DSCAML1: variants seen among roughly 807,000 people sequenced by gnomAD.
DSCAML1 encodes the protein DS cell adhesion molecule like 1.
DSCAML1 carries 38 observed loss-of-function variants against 200.5 expected under a neutral mutation model. That is an observed-to-expected ratio of 0.19 (90% confidence interval 0.15 to 0.25). The LOEUF is 0.25. Ranked by LOEUF, DSCAML1 falls within the 10% of genes least tolerant of loss-of-function variation. The probability of loss-of-function intolerance (pLI) is 1.00; values close to 1 mark genes in which losing one functional copy is unlikely to be tolerated. For missense variants in DSCAML1, 2,223 were observed against 2,858.8 expected, an observed-to-expected ratio of 0.78 and a Z score of 5.07; for synonymous variants, 1,215 against 1,165.0, an observed-to-expected ratio of 1.04 and a Z score of -0.87.
At chr11:117,600,005 T>C (rs2051434788) in intron 3 of DSCAML1, among the ~76,000 whole-genome samples, 1 of 152,208 alleles carries the variant, frequency 6.6e-6, no homozygotes, top group Non-Finnish European at 1.5e-5. Context: ...AGCAAATTCC[T>C]TCACTTCTCT....
intron 3 of DSCAML1, among the ~76,000 whole-genome samples, chr11:117,746,615 C>T (rs1056461230): frequency 1.1e-4 from 16 of 152,186 alleles, no homozygotes; most frequent in African/African-American, 2.9e-4. Flanking sequence ...ACGTGGCCTC[C>T]TCCTCAGACC....
chr11:117,431,500 G>A, intron 31 of DSCAML1, 34 bp downstream of exon 31: 6 of 1,505,272 alleles, frequency 4.0e-6, no homozygotes, highest in Non-Finnish European at 4.5e-6. Context: ...ACTGGGGGGA[G>A]GTGTTCAGGA....
intron 1 of DSCAML1, among the ~76,000 whole-genome samples, chr11:117,796,513 G>T (rs1363197704): frequency 6.6e-6 from 1 of 152,248 alleles, no homozygotes; most frequent in Non-Finnish European, 1.5e-5. Context: ...CAGCCAATGC[G>T]CGGATAAGCG....
At chr11:117,765,725 T>C (rs1444780509) in intron 3 of DSCAML1, among the ~76,000 whole-genome samples, 1 of 151,942 alleles carries the variant, frequency 6.6e-6, no homozygotes. Flanking sequence ...ATACAGAAAA[T>C]GAAAGTACCT....
chr11:117,594,722 G>T (rs1415918382), intron 3 of DSCAML1, among the ~76,000 whole-genome samples: 1 of 152,188 alleles, frequency 6.6e-6, no homozygotes, highest in African/African-American at 2.4e-5. Context: ...CTCCTCCCTG[G>T]TGTGGGGCAG....
At chr11:117,705,112 T>G (rs1281054846) in intron 3 of DSCAML1, among the ~76,000 whole-genome samples, 1 of 152,144 alleles carries the variant, frequency 6.6e-6, no homozygotes, top group East Asian at 1.9e-4. Flanking sequence ...CTAAAAATAG[T>G]GTGTGCATTT....
intron 3 of DSCAML1, among the ~76,000 whole-genome samples, chr11:117,773,764 G>C (rs1591495153): frequency 6.6e-6 from 1 of 152,308 alleles, no homozygotes; most frequent in East Asian, 1.9e-4. Flanking sequence ...GATCATGCTA[G>C]TTGGATTTCT....
intron 3 of DSCAML1, among the ~76,000 whole-genome samples, chr11:117,770,581 C>T (rs535592259): frequency 1.1e-3 from 174 of 151,990 alleles, no homozygotes; most frequent in Middle Eastern, 6.8e-3. Flanking sequence ...TTGTCATCAC[C>T]ATTAATCACT....
intron 3 of DSCAML1, among the ~76,000 whole-genome samples, chr11:117,769,907 T>C (rs1565274595): frequency 6.6e-6 from 1 of 152,148 alleles, no homozygotes; most frequent in Non-Finnish European, 1.5e-5. Context: ...ATCTAGGCAG[T>C]ACCTTCATGA....
intron 12 of DSCAML1, among the ~76,000 whole-genome samples, chr11:117,481,649 G>A (rs73022382): frequency 0.027 from 3,963 of 147,902 alleles, 124 homozygotes; most frequent in Non-Finnish European, 0.034. Flanking sequence ...AAGGGCTGAG[G>A]GATCCAGGAG....
At chr11:117,693,677 A>C (rs1197002551) in intron 3 of DSCAML1, among the ~76,000 whole-genome samples, 2 of 152,192 alleles carry the variant, frequency 1.3e-5, no homozygotes, top group African/African-American at 4.8e-5. Flanking sequence ...GCATTTTAAA[A>C]AAAGAAAAAC....
intron 3 of DSCAML1, among the ~76,000 whole-genome samples, chr11:117,706,144 C>T (rs1045240796): frequency 3.9e-5 from 6 of 152,172 alleles, no homozygotes; most frequent in Admixed American, 6.5e-5. Flanking sequence ...CACACCAATC[C>T]GGATTTCTGC....
chr11:117,816,405 C>T (rs2226635), intron 1 of DSCAML1, among the ~76,000 whole-genome samples: 13,435 of 152,310 alleles, frequency 0.088, 708 homozygotes, highest in South Asian at 0.13. Context: ...CTCTGATCTC[C>T]GCTGGCCAGG....
At chr11:117,695,287 C>CT (rs1242558204) in intron 3 of DSCAML1, among the ~76,000 whole-genome samples, 3 of 130,236 alleles carry the variant, frequency 2.3e-5, no homozygotes, top group African/African-American at 2.9e-5. Context: ...CAGGGCAGAT[C>CT]TTTTTTTTCT....
intron 3 of DSCAML1, among the ~76,000 whole-genome samples, chr11:117,589,557 G>A (rs2051218010): frequency 6.6e-6 from 1 of 152,142 alleles, no homozygotes; most frequent in African/African-American, 2.4e-5. Context: ...TATGCACCAG[G>A]GATCTTAGGT....
At chr11:117,683,418 G>A (rs1462061786) in intron 3 of DSCAML1, among the ~76,000 whole-genome samples, 1 of 152,196 alleles carries the variant, frequency 6.6e-6, no homozygotes, top group African/African-American at 2.4e-5. Context: ...AGTCTCTCTG[G>A]AACATGCAGA....
intron 3 of DSCAML1, among the ~76,000 whole-genome samples, chr11:117,638,098 G>A (rs1313307218): frequency 6.6e-6 from 1 of 152,194 alleles, no homozygotes; most frequent in African/African-American, 2.4e-5. Flanking sequence ...TGGGGCAGGG[G>A]TAGGGCCTGG....
rs2055717803 is a variant in DSCAML1 at position 117,807,616 on chromosome 11, TC to T, written c.-250+9773del. On this transcript the variant is annotated intron_variant, in intron 1 of 2. Transcript: ENST00000525836. ...TGTCTAAGGAGATGGGCAAGTTTTC[TC>T]CGCAGAGTTGTTTAGCTAGAGAAGG... Among the ~76,000 whole-genome samples, 4 of 152,164 alleles carry T rather than the reference TC, an allele frequency of 2.6e-5. No homozygotes were observed. The South Asian group carries it at 8.3e-4, about 31-fold the overall frequency.
In DSCAML1 at chr11:117,776,849, T is replaced by A. The variant is rs368237657; in HGVS notation, c.453A>T (p.Ser151=). 2 of 1,614,046 alleles carry A rather than the reference T, an allele frequency of 1.2e-6. No individual in the cohort carries two copies. Among genetic ancestry groups the A allele is most frequent in the African/African-American group, 2.7e-5 (2 of 74,922 alleles). ...VAVFKCLIPS[S]VQEYVSVVSW... ...ATACAACGCTAACATATTCCTGCAC[T>A]GAAGAGGGGATGAGGCACTTGAAGA... Residue 151 remains serine (S), a synonymous_variant, in exon 3 of 33, where the codon TCA becomes TCT. Transcript: ENST00000651296.
Sources: gnomAD v4.1 joint callset for allele counts (sites outside exome capture counted in the v4.1 genomes callset) on GRCh38, gnomAD v4.1.1 for gene constraint, MANE v1.5 for transcripts, NCBI Gene and HGNC (gene_info 2026-07-23, HGNC 2026-07-21) for gene names.